SGCZ: variants seen among roughly 807,000 people sequenced by gnomAD.
SGCZ encodes the protein zeta-sarcoglycan.
A neutral mutation model predicts 41.3 loss-of-function variants in SGCZ; 40 were observed. That is an observed-to-expected ratio of 0.97 (90% CI 0.75 to 1.26). SGCZ has a LOEUF of 1.26. SGCZ is among the 50% of genes most tolerant of loss of function. The pLI is 0.00. For missense variants in SGCZ, 552 were observed against 369.8 expected (o/e 1.49, Z -4.04); for synonymous variants, 206 against 137.5 (o/e 1.50, Z -3.49).
At chr8:14,436,358 T>C (rs541792972) in intron 2 of SGCZ, among the ~76,000 whole-genome samples, 34 of 152,344 alleles carry the variant, frequency 2.2e-4, no homozygotes, top group African/African-American at 7.5e-4. Flanking sequence ...GTGTTCTTTG[T>C]TCTTCGCATG....
intron 1 of SGCZ, among the ~76,000 whole-genome samples, chr8:15,196,652 T>C (rs1800742353): frequency 6.6e-6 from 1 of 152,180 alleles, no homozygotes; most frequent in South Asian, 2.1e-4. Context: ...ATTATTATTA[T>C]ACTTTAAGTT....
intron 3 of SGCZ, among the ~76,000 whole-genome samples, chr8:14,242,713 A>T (rs939667643): frequency 1.3e-5 from 2 of 152,162 alleles, no homozygotes; most frequent in African/African-American, 2.4e-5. Flanking sequence ...TAGTACAAAA[A>T]GATTAAGTCA....
intron 1 of SGCZ, among the ~76,000 whole-genome samples, chr8:14,643,542 CA>C (rs61248980): frequency 0.035 from 4,856 of 138,486 alleles, 235 homozygotes; most frequent in African/African-American, 0.12. Context: ...GAATATTTTT[CA>C]AAAAAAAAAA....
At chr8:14,603,957 T>A (rs192564285) in intron 1 of SGCZ, among the ~76,000 whole-genome samples, 16 of 152,190 alleles carry the variant, frequency 1.1e-4, no homozygotes, top group Admixed American at 3.9e-4. Context: ...TAGCGACATA[T>A]CTCACACTGT....
At chr8:14,317,070 C>T (rs6995965) in intron 3 of SGCZ, among the ~76,000 whole-genome samples, 129,503 of 152,120 alleles carry the variant, frequency 0.85, 56,078 homozygotes, top group Non-Finnish European at 0.94. Context: ...TGCAAATTTG[C>T]CATCAAATCC....
At chr8:14,888,210 T>C (rs958178300) in intron 1 of SGCZ, among the ~76,000 whole-genome samples, 15 of 152,146 alleles carry the variant, frequency 9.9e-5, no homozygotes, top group African/African-American at 3.6e-4. Context: ...TAGTGACCTT[T>C]ATCCTTAAAT....
intron 1 of SGCZ, among the ~76,000 whole-genome samples, chr8:14,752,929 G>T (rs1413686995): frequency 6.6e-6 from 1 of 152,168 alleles, no homozygotes; most frequent in Non-Finnish European, 1.5e-5. Context: ...TATGTAAGAA[G>T]TAACTCTGAA....
chr8:14,975,963 T>C (rs12682013), intron 1 of SGCZ, among the ~76,000 whole-genome samples: 2 of 143,254 alleles, frequency 1.4e-5, no homozygotes, highest in African/African-American at 2.5e-5. Context: ...AACATATATA[T>C]GTGTGTGCGT....
intron 5 of SGCZ, among the ~76,000 whole-genome samples, chr8:14,150,852 A>C (rs1477461359): frequency 6.6e-6 from 1 of 152,186 alleles, no homozygotes; most frequent in Non-Finnish European, 1.5e-5. Context: ...ATAAAAAAGA[A>C]TGAAATCCAG....
At chr8:14,191,666 T>C (rs2117048044) in intron 4 of SGCZ, among the ~76,000 whole-genome samples, 1 of 152,284 alleles carries the variant, frequency 6.6e-6, no homozygotes, top group South Asian at 2.1e-4. Flanking sequence ...TATGTGCATC[T>C]AGAACTTGAG....
At position 14,668,196 on chromosome 8, in the gene SGCZ, G is replaced by C. The variant is rs552303253; in HGVS notation, c.40-113270C>G. On this transcript the variant is annotated intron_variant, in intron 1 of 7. Coordinates refer to ENST00000382080, the MANE Select transcript of SGCZ (RefSeq NM_139167.4). ...GCTAGTCTCAAACTCCTGACCTCAG[G>C]TTATCCACCCATCTCAGCCTCCCAA... 6.6e-5 allele frequency among the ~76,000 whole-genome samples: 10 copies of C among 152,284 alleles called. No individual in the cohort carries two copies. In the South Asian group the frequency reaches 1.7e-3, roughly 25 times the overall value.
chr8:15,194,198 C>G (rs1266435768), intron 1 of SGCZ, among the ~76,000 whole-genome samples: 1 of 151,052 alleles, frequency 6.6e-6, no homozygotes, highest in African/African-American at 2.4e-5. Context: ...CACACACACA[C>G]ACACACACAC....
chr8:14,276,925 C>A (rs902385412), intron 3 of SGCZ, among the ~76,000 whole-genome samples: 2 of 152,134 alleles, frequency 1.3e-5, no homozygotes, highest in African/African-American at 2.4e-5. Context: ...CCAATGGAAA[C>A]CCCTAGAGAA....
chr8:14,321,711 T>C (rs189937165), intron 3 of SGCZ, among the ~76,000 whole-genome samples: 1 of 152,110 alleles, frequency 6.6e-6, no homozygotes. Flanking sequence ...TCTTCCAAAG[T>C]GCCTTTTAGA....
chr8:15,099,369 A>T (rs944776006), intron 1 of SGCZ, among the ~76,000 whole-genome samples: 1 of 152,220 alleles, frequency 6.6e-6, no homozygotes, highest in Non-Finnish European at 1.5e-5. Flanking sequence ...CATAAACTCG[A>T]TAATTTAGAT....
intron 2 of SGCZ, among the ~76,000 whole-genome samples, chr8:14,413,501 A>C (rs1337508974): frequency 2.0e-5 from 3 of 151,980 alleles, no homozygotes; most frequent in Non-Finnish European, 4.4e-5. Context: ...TGCTGAGTGC[A>C]ATAATCTTAT....
At chr8:14,853,231 G>C (rs1803404858) in intron 1 of SGCZ, among the ~76,000 whole-genome samples, 1 of 152,104 alleles carries the variant, frequency 6.6e-6, no homozygotes, top group Non-Finnish European at 1.5e-5. Flanking sequence ...TTAAAGAGTG[G>C]GGAAGAGGAG....
chr8:14,518,274 A>C (rs1802684926), intron 2 of SGCZ, among the ~76,000 whole-genome samples: 1 of 152,070 alleles, frequency 6.6e-6, no homozygotes, highest in East Asian at 1.9e-4. Context: ...AAATATGCTA[A>C]TCAACAAAGA....
chr8:14,744,828 G>C (rs769358831), intron 1 of SGCZ, among the ~76,000 whole-genome samples: 5 of 152,010 alleles, frequency 3.3e-5, no homozygotes, highest in South Asian at 2.1e-4. Context: ...GTGAAAAGAG[G>C]CAATACAAAG....
Sources: gnomAD v4.1 joint callset for allele counts (sites outside exome capture counted in the v4.1 genomes callset) on GRCh38, gnomAD v4.1.1 for gene constraint, MANE v1.5 for transcripts, NCBI Gene and HGNC (gene_info 2026-07-23, HGNC 2026-07-21) for gene names.